The following SBSN variants were observed in gnomAD, a reference collection of about 807,000 sequenced individuals.
The protein encoded by SBSN is HLAR698.
A neutral mutation model predicts 42.8 loss-of-function variants in SBSN; 33 were observed. The ratio of observed to expected loss-of-function variants is 0.77; its 90% CI spans 0.58 to 1.03. The LOEUF (loss-of-function observed/expected upper bound fraction) is 1.03, where lower values mean the gene tolerates loss of function less well. Among genes scored for constraint, SBSN ranks in the 50% least tolerant of loss-of-function variants. The pLI, the probability that SBSN is intolerant of heterozygous loss-of-function variation, is 0.00. For synonymous variants in SBSN, 276 were observed against 307.0 expected (o/e 0.90, Z 1.06); for missense variants, 646 against 757.3 (o/e 0.85, Z 1.72).
At position 35,523,583 on chromosome 19, in the gene SBSN, C is replaced by T. The variant is rs553950709; in HGVS notation, c.1750-50G>A. 2.4e-4 allele frequency: 381 copies of T among 1,599,034 alleles called. 2 individuals are homozygous for T. The East Asian group carries it at 7.5e-3, about 31-fold the overall frequency. On this transcript the variant is annotated intron_variant, in intron 3 of 3. Coordinates refer to ENST00000452271, the MANE Select transcript of SBSN (RefSeq NM_001166034.2). The stretch of plus-strand genomic sequence containing the variant: ...GTGAATGTAGGGTCCACAGTCATGA[C>T]GGGACCCGAGACCTCAGCCCCGCCC...
chr19:35,524,528 G>C (rs1038299655), intron 3 of SBSN, among the ~76,000 whole-genome samples, 183 bp downstream of exon 3: 1 of 152,092 alleles, frequency 6.6e-6, no homozygotes, highest in South Asian at 2.1e-4. Flanking sequence ...TGAGGGCAGG[G>C]TGCAAAGGGG....
intron 2 of SBSN, 28 bp downstream of exon 2, chr19:35,524,831 T>TC (rs1432450619): frequency 1.2e-6 from 2 of 1,613,738 alleles, no homozygotes; most frequent in Middle Eastern, 1.7e-4. Context: ...AGGGGCCTCC[T>TC]CTCCCCTACC....
Position 35,527,679 on chromosome 19 carries a change from A to G in SBSN, c.603T>C (p.Asn201=). ...CCCCCTGGCCAAATCTCCCAGCCTC[A>G]TTTCCGGCCTGCCCTGCAGCATGGT... is the stretch of plus-strand genomic sequence containing the variant. ...GVHHAAGQAG[N]EAGRFGQGAH... is the part of the protein sequence containing the mutation. The change falls in exon 1 of 4, where the codon AAT becomes AAC. Residue 201 remains asparagine, a synonymous_variant. Coordinates refer to ENST00000452271, the MANE Select transcript of SBSN (RefSeq NM_001166034.2). 6.7e-7 allele frequency: 1 copy of G among 1,494,544 alleles called. No homozygotes were observed. The highest frequency in any genetic ancestry group is 8.9e-7 in the Non-Finnish European group (1 of 1,128,276). The allele number at this position is 1,494,544 out of a possible 1,614,324, so 92.6% of individuals were successfully genotyped here.
Position 35,524,698 on chromosome 19 carries a change from A to G in SBSN, c.1749+13T>C, listed in dbSNP as rs2071348720. 9.3e-6 allele frequency: 15 copies of G among 1,613,834 alleles called. No individual in the cohort carries two copies. The highest frequency in any genetic ancestry group is 1.3e-5 in the Non-Finnish European group (15 of 1,179,820). ...GGACGCAGAGCAGAAAAGAGACACCATGGGGCACTCACCCTCCACAGGGCG... is the reference window on the plus strand; with the variant it reads ...GGACGCAGAGCAGAAAAGAGACACCGTGGGGCACTCACCCTCCACAGGGCG... On this transcript the variant is annotated intron_variant, in intron 3 of 3. Coordinates refer to ENST00000452271, the MANE Select transcript of SBSN (RefSeq NM_001166034.2).
At position 35,527,100 on chromosome 19, in the gene SBSN, G is replaced by A. The variant is rs1218609498; in HGVS notation, c.1182C>T (p.Ala394=). 1.3e-6 allele frequency: 2 copies of A among 1,533,178 alleles called. No individual in the cohort carries two copies. The highest frequency in any genetic ancestry group is 2.4e-5 in the South Asian group (2 of 83,760). 95.0% of individuals were successfully genotyped at this position (1,533,178 alleles called of 1,614,324 possible). A position where few individuals can be genotyped will look rare whatever the true frequency, so the allele number is the denominator to read the frequency against. Residue 394 remains alanine (A), a synonymous_variant, in exon 1 of 4, where the codon GCC becomes GCT. Transcript: ENST00000452271. ...TGTCTTCCTCCTTCCCCACCTGCGA[G>A]GCAGCATGGTGGACACCCTGGCCAA... ...EKFGQGVHHA[A]SQVGKEEDRV... is the part of the protein sequence containing the mutation.
In SBSN at chr19:35,526,789, A is replaced by G; in HGVS notation, c.1493T>C (p.Val498Ala). Residue 498 changes from valine to alanine, a missense_variant, in exon 1 of 4, where the codon GTC becomes GCC. Val to Ala is a moderately conservative substitution (Grantham distance 64). Coordinates refer to ENST00000452271, the MANE Select transcript of SBSN (RefSeq NM_001166034.2). ...TCCAGCCTGGTCAGCAGCATGGTTG[A>G]CCCCTTGGCCAAGTTTCTCTGCTTC... ...GKEAEKLGQG[V>A]NHAADQAGKE... The G allele has an allele frequency of 6.2e-7, 1 of 1,612,818 alleles. No homozygotes were observed.
chr19:35,523,473 C>G lies in SBSN; in HGVS notation c.*37G>C. ...CAGGTCATGTCAGCTGATGTGACAA[C>G]GGCGACATTATTCTCCCAGCAAGGC... On this transcript the variant is annotated 3_prime_UTR_variant, in exon 4 of 4. Coordinates refer to ENST00000452271, the MANE Select transcript of SBSN (RefSeq NM_001166034.2). 4 of 1,611,168 alleles carry G rather than the reference C, an allele frequency of 2.5e-6. No individual in the cohort carries two copies. The highest frequency in any genetic ancestry group is 3.4e-6 in the Non-Finnish European group (4 of 1,177,492).
Position 35,528,292 on chromosome 19 carries a change from A to C in SBSN, c.-11T>G, listed in dbSNP as rs1354737835. ...ACGTGCAAGATGCATATTGCTGGGA[A>C]GGTCGGGAAGGATGCAGAGAGGAGC... is the stretch of plus-strand genomic sequence containing the variant. On this transcript the variant is annotated 5_prime_UTR_variant, in exon 1 of 4. Transcript: ENST00000452271. The C allele has an allele frequency of 6.3e-7, 1 of 1,592,000 alleles. No homozygotes were observed. The highest frequency in any genetic ancestry group is 1.3e-5 in the African/African-American group (1 of 74,632).
rs769332034 is a variant in SBSN, at chr19:35,528,234, C to T, written c.48G>A (p.Leu16=). ...LVGSCSLLLL[L]GALSGWAASD... ...TGGCCGCCCATCCAGACAGGGCCCC[C>T]AGTAGCAGAAGGAGGGAGCAGGAGC... Residue 16 remains leucine, a synonymous_variant, in exon 1 of 4, where the codon CTG becomes CTA. Coordinates refer to ENST00000452271, the MANE Select transcript of SBSN (RefSeq NM_001166034.2). 4.3e-6 allele frequency: 7 copies of T among 1,613,744 alleles called. No individual in the cohort carries two copies. The highest frequency in any genetic ancestry group is 4.2e-6 in the Non-Finnish European group (5 of 1,179,980).
Position 35,524,575 on chromosome 19 carries a change from T to C in SBSN, c.1749+136A>G, listed in dbSNP as rs1271258726. ...GGAGAGAGGGAAGCCCAGGACTGGG[T>C]ATCAGGTTGGAGGGTCTTTGCAGAG... On this transcript the variant is annotated intron_variant, in intron 3 of 3. Coordinates refer to ENST00000452271, the MANE Select transcript of SBSN (RefSeq NM_001166034.2). The C allele has an allele frequency of 6.4e-6, 5 of 780,938 alleles. No individual in the cohort carries two copies. In the East Asian group the frequency reaches 1.3e-4, roughly 21 times the overall value. The allele number at this position is 780,938 out of a possible 1,614,324, so 48.4% of individuals were successfully genotyped here. A position where few individuals can be genotyped will look rare whatever the true frequency, so the allele number is the denominator to read the frequency against.
intron 3 of SBSN, 68 bp downstream of exon 3, chr19:35,524,643 G>C: frequency 6.4e-7 from 1 of 1,562,856 alleles, no homozygotes; most frequent in Non-Finnish European, 8.8e-7. Flanking sequence ...AACAGACACC[G>C]GGAAGGGGTC....
chr19:35,524,155 G>C (rs2071342110), intron 3 of SBSN, among the ~76,000 whole-genome samples: 2 of 152,218 alleles, frequency 1.3e-5, no homozygotes, highest in Admixed American at 1.3e-4. Context: ...ACTCCAGCCT[G>C]GGAGATAGAG....
At position 35,527,266 on chromosome 19, in the gene SBSN, C is replaced by A. The variant is rs762549511; in HGVS notation, c.1016G>T (p.Gly339Val). ...AGRFGQGVHH[G>V]LSEGWKETEK... ...TGTCTCCTTCCAGCCCTCACTGAGA[C>A]CATGGTGGACCCCCTGGCCAAACCT... Residue 339 changes from glycine (G) to valine (V), a missense_variant, in exon 1 of 4, where the codon GGT (glycine) becomes GTT (valine). By Grantham distance (109) the Gly-to-Val change is moderately radical. Transcript: ENST00000452271. 131 of 1,530,406 alleles carry A rather than the reference C, an allele frequency of 8.6e-5. 1 individual carries two copies. The highest frequency in any genetic ancestry group is 1.1e-4 in the Non-Finnish European group (123 of 1,144,852). 94.8% of individuals were successfully genotyped at this position (1,530,406 alleles called of 1,614,324 possible). A position where few individuals can be genotyped will look rare whatever the true frequency, so the allele number is the denominator to read the frequency against.
In SBSN at chr19:35,524,818, C is replaced by T. The variant is rs749761942; in HGVS notation, c.1704+41G>A. The T allele has an allele frequency of 2.0e-5, 33 of 1,613,530 alleles. 1 individual carries two copies. The South Asian group carries it at 3.5e-4, about 17-fold the overall frequency. On this transcript the variant is annotated intron_variant, in intron 2 of 3. Coordinates refer to ENST00000452271, the MANE Select transcript of SBSN (RefSeq NM_001166034.2). Reference sequence around the variant, plus strand: ...TGACCCACAGCCATGCTAGGGAACTCCCAGGGGCCTCCTCTCCCCTACCCC... The same window carrying T: ...TGACCCACAGCCATGCTAGGGAACTTCCAGGGGCCTCCTCTCCCCTACCCC...
In SBSN at chr19:35,528,268, C is replaced by A. The variant is rs138249808; in HGVS notation, c.14G>T (p.Arg5Leu). 12 of 1,609,466 alleles carry A rather than the reference C, an allele frequency of 7.5e-6. No homozygotes were observed. In the African/African-American group the frequency reaches 1.5e-4, roughly 20 times the overall value. The part of the protein sequence containing the change: MHLA[R>L]LVGSCSLLLL... The stretch of plus-strand genomic sequence containing the variant: ...AAGGAGGGAGCAGGAGCCGACCAGA[C>A]GTGCAAGATGCATATTGCTGGGAAG... The change falls in exon 1 of 4, where the codon CGT becomes CTT. Residue 5 changes from arginine (R) to leucine (L), a missense_variant. By Grantham distance (102) the Arg-to-Leu change is moderately radical (BLOSUM62 -2). Coordinates refer to ENST00000452271, the MANE Select transcript of SBSN (RefSeq NM_001166034.2).
At chr19:35,524,563 C>CTT in intron 3 of SBSN, 148 bp downstream of exon 3, 1 of 727,636 alleles carries the variant, frequency 1.4e-6, no homozygotes, top group Non-Finnish European at 2.3e-6. Flanking sequence ...GAGAGGGAAG[C>CTT]CCAGGACTGG....
rs745854054 is a variant in SBSN at position 35,527,563 on chromosome 19, T to G, written c.719A>C (p.Glu240Ala). ...ATGGTGGGCCCCCTGGCCAAACTTCTCTGCCTCCTTCCCAACCTGACCGGC... is the reference window on the plus strand; with the variant it reads ...ATGGTGGGCCCCCTGGCCAAACTTCGCTGCCTCCTTCCCAACCTGACCGGC... ...HAAGQVGKEA[E>A]KFGQGAHHAA... Residue 240 changes from glutamate (E) to alanine (A), a missense_variant, in exon 1 of 4, where the codon GAG becomes GCG. Around this residue, in one of 3 missense-constraint regions of SBSN, gnomAD observed 220 missense variants for 334.5 expected, o/e 0.66. Transcript: ENST00000452271. 6.2e-6 allele frequency: 9 copies of G among 1,457,254 alleles called. No individual in the cohort carries two copies. In the South Asian group the frequency reaches 1.1e-4, roughly 18 times the overall value. The allele number at this position is 1,457,254 out of a possible 1,614,324, so 90.3% of individuals were successfully genotyped here. A position where few individuals can be genotyped will look rare whatever the true frequency, so the allele number is the denominator to read the frequency against.
rs1452405410 is a variant in SBSN at position 35,528,122 on chromosome 19, T to C, written c.160A>G (p.Ile54Val). The C allele has an allele frequency of 1.1e-5, 17 of 1,613,974 alleles. No individual in the cohort carries two copies. The highest frequency in any genetic ancestry group is 1.0e-5 in the Non-Finnish European group (12 of 1,180,038). ...EREVGKALDG[I>V]NSGITHAGRE... is the part of the protein sequence containing the mutation. ...CCGGCATGCGTGATTCCACTGTTGA[T>C]GCCATCCAGGGCCTTGCCCACCTCT... The change falls in exon 1 of 4, where the codon ATC becomes GTC. Residue 54 changes from isoleucine to valine, a missense_variant. Around this residue, in one of 3 missense-constraint regions of SBSN, gnomAD observed 190 missense variants for 197.1 expected, o/e 0.96. Coordinates refer to ENST00000452271, the MANE Select transcript of SBSN (RefSeq NM_001166034.2).
chr19:35,524,677 G>T (rs377127172), intron 3 of SBSN, 34 bp downstream of exon 3: 11 of 1,611,408 alleles, frequency 6.8e-6, no homozygotes, highest in African/African-American at 4.0e-5. Context: ...CTATCAGGAC[G>T]CAGAGCAGAA....
Sources: gnomAD v4.1 joint callset for allele counts (sites outside exome capture counted in the v4.1 genomes callset) on GRCh38, gnomAD v4.1.1 for gene constraint, gnomAD v4.1.1 regional missense constraint, MANE v1.5 for transcripts, NCBI Gene and HGNC (gene_info 2026-07-23, HGNC 2026-07-21) for gene names.